Variants in KCNMA1 observed in about 807,000 individuals in gnomAD.
KCNMA1 encodes the protein Calcium-activated potassium channel subunit alpha-1.
In KCNMA1, 29 loss-of-function variants were observed where a neutral mutation model predicts 140.0. That is an observed-to-expected ratio of 0.21 (90% CI 0.15 to 0.28). The LOEUF (loss-of-function observed/expected upper bound fraction) is 0.28, where lower values mean the gene tolerates loss of function less well. KCNMA1 is among the 10% of genes least tolerant of loss of function. The pLI is 1.00. For missense variants in KCNMA1, 880 were observed against 1,602.2 expected (o/e 0.55, Z 7.70); for synonymous variants, 612 against 611.9 (o/e 1.00, Z 0.00).
chr10:76,925,604 TTGAC>T (rs1403129155), intron 23 of KCNMA1, among the ~76,000 whole-genome samples: 3 of 152,220 alleles, frequency 2.0e-5, no homozygotes, highest in African/African-American at 7.2e-5. Context: ...AAGTGATAGA[TTGAC>T]TGAAAATGTA....
Position 77,036,694 on chromosome 10 carries a change from T to C in KCNMA1, c.1859+2834A>G, listed in dbSNP as rs552269425. Among the ~76,000 whole-genome samples, 5 of 152,344 alleles carry C rather than the reference T, an allele frequency of 3.3e-5. No homozygotes were observed. In the South Asian group the frequency reaches 1.0e-3, roughly 32 times the overall value. On this transcript the variant is annotated intron_variant, in intron 15 of 27. Transcript: ENST00000286628. ...TTGAAATTGAATAGCCAATTCTTAC[T>C]GTAATGAAAATACTTATGTGCCAGC... is the stretch of plus-strand genomic sequence containing the variant.
intron 1 of KCNMA1, among the ~76,000 whole-genome samples, chr10:77,472,011 TACACCAC>T (rs200399693): frequency 3.1e-4 from 44 of 143,936 alleles, no homozygotes; most frequent in Non-Finnish European, 5.2e-4. Flanking sequence ...CACACACACA[TACACCAC>T]ACACCACACA....
At chr10:77,415,409 T>C (rs1360402228) in intron 1 of KCNMA1, among the ~76,000 whole-genome samples, 2 of 152,246 alleles carry the variant, frequency 1.3e-5, no homozygotes, top group African/African-American at 2.4e-5. Context: ...GACAGCCTGC[T>C]GTCCATCAGA....
chr10:77,116,474 C>T (rs1195647101), intron 6 of KCNMA1, among the ~76,000 whole-genome samples: 1 of 151,822 alleles, frequency 6.6e-6, no homozygotes, highest in African/African-American at 2.4e-5. Context: ...AAGAAGTGTA[C>T]GTTTGTCCCT....
At chr10:77,470,368 C>T (rs935986527) in intron 1 of KCNMA1, among the ~76,000 whole-genome samples, 3 of 152,070 alleles carry the variant, frequency 2.0e-5, no homozygotes, top group Admixed American at 1.3e-4. Context: ...TACTGTGTGC[C>T]GCAAAGGGAA....
intron 12 of KCNMA1, among the ~76,000 whole-genome samples, chr10:77,084,313 A>T (rs2096646657): frequency 6.6e-6 from 1 of 152,134 alleles, no homozygotes; most frequent in African/African-American, 2.4e-5. Flanking sequence ...TCCTTTAGGG[A>T]ACATGGTACT....
At chr10:76,893,321 C>T (rs1005931706) in intron 25 of KCNMA1, among the ~76,000 whole-genome samples, 2 of 152,146 alleles carry the variant, frequency 1.3e-5, no homozygotes, top group Non-Finnish European at 2.9e-5. Flanking sequence ...AGTAGAGGAA[C>T]AGTCAGCTCC....
At chr10:77,618,971 G>A (rs1281919782) in intron 1 of KCNMA1, among the ~76,000 whole-genome samples, 1 of 152,160 alleles carries the variant, frequency 6.6e-6, no homozygotes, top group Non-Finnish European at 1.5e-5. Flanking sequence ...AAAATCAAAA[G>A]GTTTAACGAA....
chr10:76,993,482 T>C (rs922479325), intron 19 of KCNMA1, among the ~76,000 whole-genome samples: 39 of 152,328 alleles, frequency 2.6e-4, no homozygotes, highest in Admixed American at 6.5e-4. Flanking sequence ...AACTGTCTTT[T>C]AAAGACTGTA....
At chr10:77,055,256 G>C (rs921574773) in intron 14 of KCNMA1, among the ~76,000 whole-genome samples, 1 of 152,058 alleles carries the variant, frequency 6.6e-6, no homozygotes, top group African/African-American at 2.4e-5. Context: ...AAGAAGACCC[G>C]AATTAGAAAT....
At chr10:77,595,220 G>A (rs773447366) in intron 1 of KCNMA1, among the ~76,000 whole-genome samples, 7 of 151,988 alleles carry the variant, frequency 4.6e-5, no homozygotes, top group South Asian at 4.2e-4. Context: ...GGTGGTGGGC[G>A]CCTGTATTCC....
intron 1 of KCNMA1, among the ~76,000 whole-genome samples, chr10:77,418,961 G>A (rs1392550514): frequency 1.3e-5 from 2 of 152,150 alleles, no homozygotes; most frequent in East Asian, 1.9e-4. Context: ...TAACCAGAGG[G>A]TAATTGTTAG....
At chr10:76,884,756 G>GGAAGGAAGAGAA, downstream of KCNMA1, 1 of 531,178 alleles carries the variant, frequency 1.9e-6, no homozygotes, top group Non-Finnish European at 3.1e-6. Context: ...AGTGGAAGAA[G>GGAAGGAAGAGAA]GAAGGAAGAG....
At position 77,242,899 on chromosome 10, in the gene KCNMA1, TACACAC is replaced by T. The variant is rs199668848; in HGVS notation, c.602+8290_602+8295del. Among the ~76,000 whole-genome samples the T allele has an allele frequency of 5.6e-3, 625 of 111,654 alleles. 4 individuals carry two copies. The highest frequency in any genetic ancestry group is 7.9e-3 in the Non-Finnish European group (416 of 52,880). The allele number at this position is 111,654 out of a possible 152,430, so 73.2% of individuals were successfully genotyped here. A position where few individuals can be genotyped will look rare whatever the true frequency, so the allele number is the denominator to read the frequency against. Reference sequence around the variant, plus strand: ...TTTTAGGCAGGACATAATTGTTTCCTACACACACACACACACACACACACACACACA... The same window carrying T: ...TTTTAGGCAGGACATAATTGTTTCCTACACACACACACACACACACACACA... On this transcript the variant is annotated intron_variant, in intron 3 of 27. Transcript: ENST00000286628.
chr10:77,380,538 C>T (rs572965293), intron 2 of KCNMA1, among the ~76,000 whole-genome samples: 50 of 152,210 alleles, frequency 3.3e-4, no homozygotes, highest in African/African-American at 1.2e-3. Flanking sequence ...GGTCAGCCTT[C>T]CTTAGGAAGG....
At chr10:77,593,740 ATCT>A (rs1323709819) in intron 1 of KCNMA1, among the ~76,000 whole-genome samples, 2 of 151,686 alleles carry the variant, frequency 1.3e-5, no homozygotes, top group African/African-American at 4.9e-5. Flanking sequence ...TCAATGCCTC[ATCT>A]TCTTTCTGCT....
At chr10:76,882,769 A>G (rs998141900), downstream of KCNMA1, among the ~76,000 whole-genome samples, 1 of 151,912 alleles carries the variant, frequency 6.6e-6, no homozygotes, top group African/African-American at 2.4e-5. Flanking sequence ...AATCCCTCTC[A>G]CCTCCAATGG....
At chr10:77,228,003 C>T (rs1376126656) in intron 3 of KCNMA1, among the ~76,000 whole-genome samples, 4 of 130,876 alleles carry the variant, frequency 3.1e-5, no homozygotes, top group Non-Finnish European at 3.1e-5. Flanking sequence ...TTGTTCTTGT[C>T]GCCCAGACTG....
chr10:77,180,013 G>A (rs994078195), intron 5 of KCNMA1, among the ~76,000 whole-genome samples: 1 of 152,208 alleles, frequency 6.6e-6, no homozygotes, highest in African/African-American at 2.4e-5. Context: ...GGTGTGGGGA[G>A]CGTTCTGGGA....
Sources: allele counts gnomAD v4.1 joint callset (sites outside exome capture counted in the v4.1 genomes callset), GRCh38; gene constraint gnomAD v4.1.1; transcripts MANE v1.5; gene names NCBI Gene and HGNC (gene_info 2026-07-23, HGNC 2026-07-21).